TMEM170B: variants seen among roughly 807,000 people sequenced by gnomAD.
TMEM170B encodes transmembrane protein 170B.
A neutral mutation model predicts 13.0 loss-of-function variants in TMEM170B; 6 were observed. The ratio of observed to expected loss-of-function variants is 0.46; its 90% CI spans 0.25 to 0.91. TMEM170B has a LOEUF of 0.91. Ranked by LOEUF, TMEM170B falls within the 40% of genes least tolerant of loss-of-function variation. TMEM170B has a pLI of 0.17. For missense variants in TMEM170B, 138 were observed against 165.2 expected, an observed-to-expected ratio of 0.84 and a Z score of 0.90; for synonymous variants, 61 against 64.9, an observed-to-expected ratio of 0.94 and a Z score of 0.29.
At chr6:11,559,735 A>G (rs1288219077) in intron 1 of TMEM170B, among the ~76,000 whole-genome samples, 2 of 152,182 alleles carry the variant, frequency 1.3e-5, no homozygotes, top group Non-Finnish European at 2.9e-5. Flanking sequence ...ATTTGTTGGT[A>G]TAATAAAAAG....
intron 1 of TMEM170B, among the ~76,000 whole-genome samples, chr6:11,560,289 C>T (rs1278928033): frequency 1.3e-5 from 2 of 151,656 alleles, no homozygotes; most frequent in Non-Finnish European, 2.9e-5. Context: ...CTCAGCCTTC[C>T]GACTAGCTGG....
In TMEM170B at chr6:11,538,428, T is replaced by G. The variant is rs1759311460; in HGVS notation, c.97+54T>G. The stretch of plus-strand genomic sequence containing the variant: ...GGATGCGGTCCGCCCCTCTCCTGTC[T>G]TCTCCTTCCTCGGGAGGGGACACGC... On this transcript the variant is annotated intron_variant, in intron 1 of 2. Coordinates refer to ENST00000379426, the MANE Select transcript of TMEM170B (RefSeq NM_001100829.3). 3.8e-6 allele frequency: 5 copies of G among 1,327,978 alleles called. No homozygotes were observed. The South Asian group carries it at 7.0e-5, about 19-fold the overall frequency. 82.3% of individuals were successfully genotyped at this position (1,327,978 alleles called of 1,614,324 possible).
chr6:11,561,387 A>G (rs1433598654), intron 1 of TMEM170B, among the ~76,000 whole-genome samples: 2 of 152,122 alleles, frequency 1.3e-5, no homozygotes, highest in Non-Finnish European at 2.9e-5. Context: ...AGTTTAAGAA[A>G]AGGCTGTGAT....
At chr6:11,568,471 G>T (rs936911736) in intron 2 of TMEM170B, among the ~76,000 whole-genome samples, 2 of 152,120 alleles carry the variant, frequency 1.3e-5, no homozygotes, top group Admixed American at 1.3e-4. Context: ...TATTGCAAAA[G>T]TTTAAAGAGA....
chr6:11,538,602 C>T (rs1053996423), intron 1 of TMEM170B, among the ~76,000 whole-genome samples: 3 of 152,206 alleles, frequency 2.0e-5, no homozygotes. Flanking sequence ...TCAGCGACCC[C>T]CGCTCCTGCC....
rs1759922076 is a variant in TMEM170B at position 11,579,405 on chromosome 6, ATG to A, written c.*3846_*3847del. On this transcript the variant is annotated 3_prime_UTR_variant, in exon 3 of 3. Transcript: ENST00000379426. ...GATTGTTTATGAATGGCAAAGCAGT[ATG>A]TATTTCACAGTAAATGATCAACTGA... 1 of 152,354 alleles carries A rather than the reference ATG, an allele frequency of 6.6e-6. No homozygotes were observed. Among genetic ancestry groups the A allele is most frequent in the East Asian group, 1.9e-4 (1 of 5,192 alleles). 9.4% of individuals were successfully genotyped at this position (152,354 alleles called of 1,614,324 possible).
Position 11,565,931 on chromosome 6 carries a change from C to CT in TMEM170B, c.268+99dup. On this transcript the variant is annotated intron_variant, in intron 2 of 2. Transcript: ENST00000379426. ...ATTATACATGTAACATTAGTGAGAT[C>CT]TTTTATGTAGATTATTTTTCAACAC... is the stretch of plus-strand genomic sequence containing the variant. 7.8e-6 allele frequency: 9 copies of CT among 1,160,846 alleles called. No individual in the cohort carries two copies. The South Asian group carries it at 1.2e-4, about 15-fold the overall frequency. The allele number at this position is 1,160,846 out of a possible 1,614,324, so 71.9% of individuals were successfully genotyped here.
At chr6:11,572,968 A>G (rs1269926710) in intron 2 of TMEM170B, among the ~76,000 whole-genome samples, 2 of 152,134 alleles carry the variant, frequency 1.3e-5, no homozygotes, top group African/African-American at 4.8e-5. Context: ...TGGACTTCAT[A>G]TAGTTTATCT....
intron 1 of TMEM170B, among the ~76,000 whole-genome samples, chr6:11,543,287 C>T (rs1235095822): frequency 4.6e-5 from 7 of 152,156 alleles, no homozygotes; most frequent in Admixed American, 4.6e-4. Flanking sequence ...AAAATTTTAA[C>T]AGTTGCTTGA....
intron 1 of TMEM170B, among the ~76,000 whole-genome samples, chr6:11,548,402 C>T (rs1319072983): frequency 4.6e-5 from 7 of 152,050 alleles, no homozygotes; most frequent in East Asian, 3.9e-4. Context: ...GTTAGAATGG[C>T]GATCATTAAA....
chr6:11,572,005 C>CA (rs978110961), intron 2 of TMEM170B, among the ~76,000 whole-genome samples: 3 of 151,156 alleles, frequency 2.0e-5, no homozygotes, highest in African/African-American at 7.3e-5. Flanking sequence ...ACTAGATTGG[C>CA]AAAAAAAATT....
chr6:11,574,639 A>T (rs182212896), intron 2 of TMEM170B, among the ~76,000 whole-genome samples: 1 of 152,072 alleles, frequency 6.6e-6, no homozygotes, highest in Non-Finnish European at 1.5e-5. Flanking sequence ...TTCCTCCTTT[A>T]TGGTTCCTAA....
At chr6:11,570,983 A>G (rs902289201) in intron 2 of TMEM170B, among the ~76,000 whole-genome samples, 4 of 152,186 alleles carry the variant, frequency 2.6e-5, no homozygotes, top group African/African-American at 9.6e-5. Context: ...CTTAGCCTGC[A>G]TGCTGTACAA....
In TMEM170B at chr6:11,580,555, C is replaced by G. The variant is rs1759942120; in HGVS notation, c.*4994C>G. 1.3e-5 allele frequency: 2 copies of G among 152,178 alleles called. No homozygotes were observed. The highest frequency in any genetic ancestry group is 4.8e-5 in the African/African-American group (2 of 41,438). The allele number at this position is 152,178 out of a possible 1,614,324, so 9.4% of individuals were successfully genotyped here. ...TCGATTGCAGAGAAATTTGGTAACACTTTTTGGGTAACTGGGTAAATTACT... is the reference window on the plus strand; with the variant it reads ...TCGATTGCAGAGAAATTTGGTAACAGTTTTTGGGTAACTGGGTAAATTACT... On this transcript the variant is annotated 3_prime_UTR_variant, in exon 3 of 3. Transcript: ENST00000379426.
intron 1 of TMEM170B, among the ~76,000 whole-genome samples, chr6:11,558,396 T>C (rs1030571728): frequency 5.3e-4 from 81 of 152,344 alleles, no homozygotes; most frequent in African/African-American, 1.8e-3. Context: ...ATATACAATT[T>C]CATGATTTGA....
rs571423620 is a variant in TMEM170B at position 11,564,834 on chromosome 6, C to G, written c.98-832C>G. Among the ~76,000 whole-genome samples, 113 of 152,330 alleles carry G rather than the reference C, an allele frequency of 7.4e-4. 1 individual carries two copies. The highest frequency in any genetic ancestry group is 2.6e-3 in the African/African-American group (110 of 41,572). On this transcript the variant is annotated intron_variant, in intron 1 of 2. Transcript: ENST00000379426. ...GCAAGGACACTCAGTTGGTCCCAAT[C>G]CAGAAGTCCCAGGGGAAGGGAACGA...
intron 1 of TMEM170B, among the ~76,000 whole-genome samples, chr6:11,542,443 A>G (rs749863060): frequency 6.6e-6 from 1 of 152,188 alleles, no homozygotes; most frequent in Non-Finnish European, 1.5e-5. Context: ...CCAGTTGCTC[A>G]TTGGACCTTG....
chr6:11,567,256 C>T (rs1460753472), intron 2 of TMEM170B, among the ~76,000 whole-genome samples: 1 of 151,808 alleles, frequency 6.6e-6, no homozygotes, highest in Non-Finnish European at 1.5e-5. Flanking sequence ...AACCGGGTGC[C>T]TCTCTGAGCT....
chr6:11,548,810 A>G (rs144533087), intron 1 of TMEM170B, among the ~76,000 whole-genome samples: 7,700 of 152,108 alleles, frequency 0.051, 269 homozygotes, highest in African/African-American at 0.095. Flanking sequence ...ATTCTGAGCA[A>G]ACTGTCGCAA....
Sources: allele counts gnomAD v4.1 joint callset (sites outside exome capture counted in the v4.1 genomes callset), GRCh38; gene constraint gnomAD v4.1.1; transcripts MANE v1.5; gene names NCBI Gene and HGNC (gene_info 2026-07-23, HGNC 2026-07-21).